The following SVIL variants were observed in gnomAD, a reference collection of about 807,000 sequenced individuals.
The protein encoded by SVIL is supervillin.
Under a neutral mutation model 240.4 loss-of-function variants are expected in SVIL, and 101 were observed. The ratio of observed to expected loss-of-function variants is 0.42; its 90% CI spans 0.36 to 0.50. The LOEUF is 0.50. SVIL is among the 20% of genes least tolerant of loss of function. SVIL has a pLI of 0.01. For missense variants in SVIL, 2,512 were observed against 2,818.7 expected (o/e 0.89, Z 2.46); for synonymous variants, 999 against 1,100.0 (o/e 0.91, Z 1.82).
In SVIL at chr10:29,521,027, T is replaced by C. The variant is rs138728563; in HGVS notation, c.3389+1383A>G. Among the ~76,000 whole-genome samples the C allele has an allele frequency of 7.9e-3, 1,193 of 151,330 alleles. 20 individuals carry two copies. The highest frequency in any genetic ancestry group is 0.027 in the African/African-American group (1,106 of 41,236). ...TCAGGAGGTCAGGAGATCGAGATCA[T>C]CCTAGCTAACACGGTGAAGCCCCAA... is the stretch of plus-strand genomic sequence containing the variant. On this transcript the variant is annotated intron_variant, in intron 16 of 37. Coordinates refer to ENST00000355867, the MANE Select transcript of SVIL (RefSeq NM_021738.3).
chr10:29,623,294 T>C (rs1957734943), intron 1 of SVIL, among the ~76,000 whole-genome samples: 1 of 152,242 alleles, frequency 6.6e-6, no homozygotes, highest in African/African-American at 2.4e-5. Context: ...TTCTGACTAA[T>C]TAACATGAAG....
At chr10:29,538,201 G>A (rs540361395) in intron 6 of SVIL, among the ~76,000 whole-genome samples, 61 of 152,280 alleles carry the variant, frequency 4.0e-4, no homozygotes, top group African/African-American at 1.3e-3. Flanking sequence ...ACAACTTTTC[G>A]AACATGACCT....
At chr10:29,502,228 C>G (rs1948949239) in intron 17 of SVIL, among the ~76,000 whole-genome samples, 1 of 152,090 alleles carries the variant, frequency 6.6e-6, no homozygotes, top group Non-Finnish European at 1.5e-5. Flanking sequence ...CTTAGGACCC[C>G]CTAATTGCTG....
chr10:29,495,801 TA>T (rs1236840446), intron 18 of SVIL, among the ~76,000 whole-genome samples: 2 of 151,930 alleles, frequency 1.3e-5, no homozygotes, highest in Non-Finnish European at 2.9e-5. Context: ...GGGGAATCTT[TA>T]AAAGGGCAAG....
intron 17 of SVIL, among the ~76,000 whole-genome samples, chr10:29,505,698 C>T (rs1178106219): frequency 1.3e-5 from 2 of 152,122 alleles, no homozygotes; most frequent in Non-Finnish European, 2.9e-5. Context: ...GACGCGTCAA[C>T]GTAGGTTCAT....
chr10:29,697,041 G>A (rs1331545217), intron 1 of SVIL, among the ~76,000 whole-genome samples: 4 of 121,242 alleles, frequency 3.3e-5, no homozygotes, highest in Non-Finnish European at 3.5e-5. Context: ...CGCCCGGCCA[G>A]CCGCCCCGTC....
chr10:29,612,992 A>G (rs954902131), intron 1 of SVIL, among the ~76,000 whole-genome samples: 2 of 152,076 alleles, frequency 1.3e-5, no homozygotes, highest in African/African-American at 4.8e-5. Context: ...CCCGGCCAAC[A>G]TGGTGAAACC....
intron 17 of SVIL, among the ~76,000 whole-genome samples, chr10:29,501,770 T>G (rs1948917566): frequency 6.6e-6 from 1 of 152,160 alleles, no homozygotes; most frequent in South Asian, 2.1e-4. Context: ...AAACGAAGTT[T>G]CAGGAGTGAA....
Position 29,471,194 on chromosome 10 carries a change from T to C in SVIL, c.5579A>G (p.Gln1860Arg). ...CCCCGAGTGCACCACCATCCCCCCC[T>C]GGAAACACTGCAGGAAACAGGGGGG... ...KEPPCFLQCF[Q>R]GGMVVHSGRR... The change falls in exon 31 of 38, where the codon CAG (glutamine) becomes CGG (arginine). Residue 1860 changes from glutamine (Q) to arginine (R), a missense_variant. Physicochemically the swap from Gln to Arg is conservative, Grantham distance 43. Transcript: ENST00000355867. 2 of 1,613,758 alleles carry C rather than the reference T, an allele frequency of 1.2e-6. No individual in the cohort carries two copies. Among genetic ancestry groups the C allele is most frequent in the South Asian group, 2.2e-5 (2 of 91,036 alleles).
intron 1 of SVIL, among the ~76,000 whole-genome samples, chr10:29,730,535 G>A (rs1964558878): frequency 6.6e-6 from 1 of 152,180 alleles, no homozygotes; most frequent in South Asian, 2.1e-4. Flanking sequence ...AGCATCTCAA[G>A]TGAAAACGTC....
intron 17 of SVIL, among the ~76,000 whole-genome samples, chr10:29,500,676 T>C (rs923722265): frequency 2.0e-5 from 3 of 152,190 alleles, no homozygotes; most frequent in African/African-American, 7.2e-5. Context: ...GTCCCCCACC[T>C]TTTCTGCCTT....
In SVIL at chr10:29,556,825, C is replaced by CCATTAGA. The variant is rs1953975482; in HGVS notation, c.-50-1718_-50-1717insTCTAATG. On this transcript the variant is annotated intron_variant, in intron 3 of 37. Coordinates refer to ENST00000355867, the MANE Select transcript of SVIL (RefSeq NM_021738.3). ...GATTATGGTGATACAACTTTAATGG[C>CCATTAGA]TGGTAGGACATATTTTGAAAATATT... Among the ~76,000 whole-genome samples the CCATTAGA allele has an allele frequency of 2.0e-5, 3 of 152,238 alleles. No individual in the cohort carries two copies. The East Asian group carries it at 5.8e-4, about 29-fold the overall frequency.
At chr10:29,512,629 A>G (rs1043392558) in intron 17 of SVIL, 106 bp downstream of exon 17, 245 of 1,594,628 alleles carry the variant, frequency 1.5e-4, no homozygotes, top group Non-Finnish European at 1.5e-4. Context: ...GCAAAAATGC[A>G]CAAATGCTTC....
Position 29,490,649 on chromosome 10 carries a change from A to G in SVIL, c.4192+198T>C, listed in dbSNP as rs1208244729. 2.0e-5 allele frequency among the ~76,000 whole-genome samples: 3 copies of G among 151,982 alleles called. No homozygotes were observed. The East Asian group carries it at 5.8e-4, about 29-fold the overall frequency. On this transcript the variant is annotated intron_variant, in intron 22 of 37. Coordinates refer to ENST00000355867, the MANE Select transcript of SVIL (RefSeq NM_021738.3). Reference sequence around the variant, plus strand: ...AATTAACTAACTGAACAGGTGATACACACTTTGAGAATTTCTATGAAAAAT... The same window carrying G: ...AATTAACTAACTGAACAGGTGATACGCACTTTGAGAATTTCTATGAAAAAT...
At position 29,660,906 on chromosome 10, in the gene SVIL, C is replaced by T. The variant is rs779876748; in HGVS notation, c.-300-2838G>A. ...TGCCTGGGCCGGGTGTGGTGCCTCA[C>T]GCCTGTAATCCCAGCACTCTGCGAG... On this transcript the variant is annotated intron_variant, in intron 2 of 35. Transcript: ENST00000375400. Among the ~76,000 whole-genome samples, 7 of 151,204 alleles carry T rather than the reference C, an allele frequency of 4.6e-5. No homozygotes were observed. The South Asian group carries it at 6.3e-4, about 14-fold the overall frequency.
In SVIL at chr10:29,529,485, C is replaced by A. The variant is rs192306955; in HGVS notation, c.2246+220G>T. Among the ~76,000 whole-genome samples, 220 of 152,234 alleles carry A rather than the reference C, an allele frequency of 1.4e-3. 1 individual carries two copies. The highest frequency in any genetic ancestry group is 3.4e-3 in the Middle Eastern group (1 of 294). On this transcript the variant is annotated intron_variant, in intron 12 of 37. Transcript: ENST00000355867. ...AAATATCAATATGCAGAGACAGAAA[C>A]AAAATAGAACAAAAACTCCTTTCAA... is the stretch of plus-strand genomic sequence containing the variant.
chr10:29,662,332 C>T (rs1026890865), intron 2 of SVIL, among the ~76,000 whole-genome samples: 7 of 152,182 alleles, frequency 4.6e-5, no homozygotes, highest in Admixed American at 4.6e-4. Flanking sequence ...TGCCAAACAC[C>T]TGATGCTGAT....
intron 3 of SVIL, chr10:29,643,989 G>A (rs2488689): frequency 0.44 from 227,241 of 517,468 alleles, 51,392 homozygotes; most frequent in African/African-American, 0.57. Context: ...GCAACATCGC[G>A]TTCCTGGACA....
intron 1 of SVIL, among the ~76,000 whole-genome samples, chr10:29,610,331 A>G (rs888865632): frequency 2.0e-5 from 3 of 151,874 alleles, no homozygotes; most frequent in Admixed American, 2.0e-4. Context: ...CATCCTCCAT[A>G]GGGCCACAGC....
Sources: gnomAD v4.1 joint callset for allele counts (sites outside exome capture counted in the v4.1 genomes callset) on GRCh38, gnomAD v4.1.1 for gene constraint, MANE v1.5 for transcripts, NCBI Gene and HGNC (gene_info 2026-07-23, HGNC 2026-07-21) for gene names.